The following CPD variants were observed in gnomAD, a reference collection of about 807,000 sequenced individuals.
CPD encodes the protein carboxypeptidase D, also known as metallocarboxypeptidase D.
Under a neutral mutation model 138.3 loss-of-function variants are expected in CPD, and 69 were observed. That is an observed-to-expected ratio of 0.50 (90% CI 0.41 to 0.61). The LOEUF (loss-of-function observed/expected upper bound fraction) is 0.61, where lower values mean the gene tolerates loss of function less well. CPD is among the 20% of genes least tolerant of loss of function. The pLI is 0.00. For synonymous variants in CPD, 651 were observed against 642.1 expected, an observed-to-expected ratio of 1.01 and a Z score of -0.21; for missense variants, 1,432 against 1,733.3, an observed-to-expected ratio of 0.83 and a Z score of 3.09.
chr17:30,435,163 C>T (rs1912667413), intron 8 of CPD, among the ~76,000 whole-genome samples: 1 of 151,880 alleles, frequency 6.6e-6, no homozygotes, highest in South Asian at 2.1e-4. Flanking sequence ...TTATAGGACT[C>T]AGGAAAAAAA....
intron 4 of CPD, among the ~76,000 whole-genome samples, chr17:30,422,237 A>G (rs1480437914): frequency 6.6e-6 from 1 of 152,212 alleles, no homozygotes; most frequent in Non-Finnish European, 1.5e-5. Context: ...GCTTTCTGGA[A>G]GCTCACTTTG....
chr17:30,402,292 G>A (rs574355230), intron 2 of CPD, among the ~76,000 whole-genome samples: 22 of 152,152 alleles, frequency 1.4e-4, no homozygotes, highest in Non-Finnish European at 2.6e-4. Flanking sequence ...AAGGCTGGGC[G>A]TGGTGGTTCA....
chr17:30,391,667 G>A (rs754055625), intron 2 of CPD, among the ~76,000 whole-genome samples: 40 of 151,446 alleles, frequency 2.6e-4, no homozygotes, highest in Non-Finnish European at 5.6e-4. Context: ...AGCTGTGTGC[G>A]TGTGTGTGTG....
At chr17:30,456,192 G>C (rs1339545297) in intron 15 of CPD, 64 bp from the exon 16 acceptor site, 1 of 1,315,888 alleles carries the variant, frequency 7.6e-7, no homozygotes, top group Non-Finnish European at 1.1e-6. Flanking sequence ...ATCCATGAAG[G>C]TTAACTTGGG....
At position 30,421,748 on chromosome 17, in the gene CPD, A is replaced by G. The variant is rs565159852; in HGVS notation, c.1222A>G (p.Asn408Asp). ...TGCAACCATCTCAGTGGCTGGTATT[A>G]ATCATAATATCACAACAGGCAGATT... is the stretch of plus-strand genomic sequence containing the variant. ...ENATISVAGI[N>D]HNITTGRFGD... Residue 408 changes from asparagine to aspartate, a missense_variant, in exon 4 of 21, where the codon AAT becomes GAT. Physicochemically the swap from Asn to Asp is conservative, Grantham distance 23. Coordinates refer to ENST00000225719, the MANE Select transcript of CPD (RefSeq NM_001304.5). The G allele has an allele frequency of 6.2e-7, 1 of 1,613,658 alleles. No individual in the cohort carries two copies. Among genetic ancestry groups the G allele is most frequent in the Non-Finnish European group, 8.5e-7 (1 of 1,179,616 alleles).
chr17:30,392,248 G>A (rs1036308751), intron 2 of CPD, among the ~76,000 whole-genome samples: 2 of 152,176 alleles, frequency 1.3e-5, no homozygotes, highest in South Asian at 2.1e-4. Flanking sequence ...GACCTCAGGT[G>A]ATCTGCTCGC....
At position 30,420,969 on chromosome 17, in the gene CPD, A is replaced by G; in HGVS notation, c.1123A>G (p.Thr375Ala). 1 of 1,613,210 alleles carries G rather than the reference A, an allele frequency of 6.2e-7. No individual in the cohort carries two copies. The highest frequency in any genetic ancestry group is 8.5e-7 in the Non-Finnish European group (1 of 1,179,486). The change falls in exon 3 of 21, where the codon ACA (threonine) becomes GCA (alanine). Residue 375 changes from threonine to alanine, a missense_variant. Thr to Ala is a moderately conservative substitution (Grantham distance 58). Coordinates refer to ENST00000225719, the MANE Select transcript of CPD (RefSeq NM_001304.5). ...EWENNRESLITLIEKVHIGVK... is the reference protein window; with the variant it reads ...EWENNRESLIALIEKVHIGVK... ...GGAGAACAATCGTGAGTCTTTGATCACATTGATTGAAAAGGTAAAAGTAGA... is the reference window on the plus strand; with the variant it reads ...GGAGAACAATCGTGAGTCTTTGATCGCATTGATTGAAAAGGTAAAAGTAGA...
rs1913298979 is a variant in CPD, at chr17:30,456,480, G to T, written c.3452G>T (p.Gly1151Val). ...PNKSDENIPG[G>V]VMRGAEWHSH... The stretch of plus-strand genomic sequence containing the variant: ...TTTATAGATGAGAATATTCCAGGAG[G>T]AGTAATGCGTGGAGCAGAATGGCAT... Residue 1151 changes from glycine (G) to valine (V), a missense_variant, in exon 17 of 21, where the codon GGA becomes GTA. Gly to Val is a moderately radical substitution (Grantham distance 109, BLOSUM62 -3). Transcript: ENST00000225719. The T allele has an allele frequency of 2.5e-6, 4 of 1,614,182 alleles. No homozygotes were observed. The highest frequency in any genetic ancestry group is 2.5e-6 in the Non-Finnish European group (3 of 1,180,020).
intron 2 of CPD, among the ~76,000 whole-genome samples, chr17:30,393,165 G>A (rs1400895043): frequency 1.3e-5 from 2 of 152,210 alleles, no homozygotes; most frequent in Non-Finnish European, 2.9e-5. Context: ...TCAGTTTTTT[G>A]TGTGAATATC....
At chr17:30,438,856 C>T in intron 8 of CPD, 119 bp from the exon 9 acceptor site, 1 of 562,876 alleles carries the variant, frequency 1.8e-6, no homozygotes, top group Non-Finnish European at 3.1e-6. Context: ...CCCACTCCCA[C>T]CTCCACCCCT....
At chr17:30,464,130 C>A (rs1286799980) in intron 20 of CPD, among the ~76,000 whole-genome samples, 4 of 152,122 alleles carry the variant, frequency 2.6e-5, no homozygotes, top group Non-Finnish European at 5.9e-5. Flanking sequence ...GTGGCTCACG[C>A]CTGTAATACC....
At chr17:30,409,285 C>T (rs925529347) in intron 2 of CPD, among the ~76,000 whole-genome samples, 4 of 152,118 alleles carry the variant, frequency 2.6e-5, no homozygotes, top group Non-Finnish European at 4.4e-5. Flanking sequence ...ATTTTCGCAT[C>T]GACATTCATC....
intron 8 of CPD, 129 bp downstream of exon 8, chr17:30,432,010 C>A: frequency 1.6e-6 from 1 of 637,816 alleles, no homozygotes; most frequent in Non-Finnish European, 2.7e-6. Context: ...CAGCTGTTTC[C>A]GAAAAATAGC....
rs758613815 is a variant in CPD, at chr17:30,378,977, G to T, written c.-4G>T. 2 of 1,523,940 alleles carry T rather than the reference G, an allele frequency of 1.3e-6. No individual in the cohort carries two copies. Among genetic ancestry groups the T allele is most frequent in the Admixed American group, 4.1e-5 (2 of 49,336 alleles). 94.4% of individuals were successfully genotyped at this position (1,523,940 alleles called of 1,614,324 possible). The stretch of plus-strand genomic sequence containing the variant: ...GGAGCCGGGGTTAGCGGCGCTGCTG[G>T]AAGATGGCGAGCGGCCGGGACGAGC... On this transcript the variant is annotated 5_prime_UTR_variant, in exon 1 of 21. Transcript: ENST00000225719.
At chr17:30,385,397 A>C (rs1036370148) in intron 2 of CPD, 161 bp downstream of exon 2, 1 of 764,942 alleles carries the variant, frequency 1.3e-6, no homozygotes, top group Non-Finnish European at 2.0e-6. Flanking sequence ...GAAGGACTAC[A>C]TGAAGACCTA....
chr17:30,448,328 A>G (rs1260608799), intron 12 of CPD, among the ~76,000 whole-genome samples: 2 of 152,076 alleles, frequency 1.3e-5, no homozygotes, highest in Non-Finnish European at 2.9e-5. Context: ...ACACCACTGT[A>G]CTCCAGCCTA....
intron 17 of CPD, 36 bp downstream of exon 17, chr17:30,456,562 G>T: frequency 1.3e-6 from 2 of 1,599,188 alleles, no homozygotes; most frequent in South Asian, 2.2e-5. Context: ...ATGGAGTTAT[G>T]GCCAGGCACA....
intron 2 of CPD, among the ~76,000 whole-genome samples, chr17:30,417,251 G>A (rs906761963): frequency 2.6e-5 from 4 of 151,992 alleles, no homozygotes; most frequent in South Asian, 4.1e-4. Context: ...AGAATGTTAC[G>A]AGAAAGCAGG....
chr17:30,400,824 A>AT (rs778290874), intron 2 of CPD, among the ~76,000 whole-genome samples: 1,773 of 125,724 alleles, frequency 0.014, 25 homozygotes, highest in Middle Eastern at 0.042. Flanking sequence ...CGCCCGGTTA[A>AT]TTTTTTTTTT....
Sources: allele counts gnomAD v4.1 joint callset (sites outside exome capture counted in the v4.1 genomes callset), GRCh38; gene constraint gnomAD v4.1.1; transcripts MANE v1.5; gene names NCBI Gene and HGNC (gene_info 2026-07-23, HGNC 2026-07-21).